Variants in BACH2 observed in about 807,000 individuals in gnomAD.
The protein encoded by BACH2 is transcription regulator protein BACH2.
Under a neutral mutation model 61.8 loss-of-function variants are expected in BACH2, and 5 were observed. The ratio of observed to expected loss-of-function variants is 0.08; its 90% CI spans 0.04 to 0.17. The LOEUF is 0.17. Ranked by LOEUF, BACH2 falls within the 10% of genes least tolerant of loss-of-function variation. The pLI, the probability that BACH2 is intolerant of heterozygous loss-of-function variation, is 1.00. For synonymous variants in BACH2, 446 were observed against 440.1 expected (o/e 1.01, Z -0.17); for missense variants, 824 against 1,091.1 (o/e 0.76, Z 3.45).
chr6:90,097,974 A>G (rs918812386), intron 4 of BACH2, among the ~76,000 whole-genome samples: 1 of 152,238 alleles, frequency 6.6e-6, no homozygotes, highest in African/African-American at 2.4e-5. Context: ...GTGAGACACC[A>G]TGTGAAAAGG....
At chr6:90,079,752 T>C (rs747194841) in intron 5 of BACH2, among the ~76,000 whole-genome samples, 1 of 152,140 alleles carries the variant, frequency 6.6e-6, no homozygotes, top group Non-Finnish European at 1.5e-5. Flanking sequence ...GGGCAATAAA[T>C]GGAAAATCTT....
At chr6:90,243,043 CTAATTT>C (rs1770507306) in intron 3 of BACH2, among the ~76,000 whole-genome samples, 2 of 137,280 alleles carry the variant, frequency 1.5e-5, no homozygotes, top group South Asian at 5.0e-4. Flanking sequence ...CCATGCCCGG[CTAATTT>C]TTTTTTTTTT....
intron 5 of BACH2, among the ~76,000 whole-genome samples, chr6:90,054,043 T>C (rs146565342): frequency 0.014 from 2,175 of 152,048 alleles, 64 homozygotes; most frequent in East Asian, 0.14. Flanking sequence ...GCGTGAGCGA[T>C]GCAGAAGATG....
At position 90,296,618 on chromosome 6, in the gene BACH2, G is replaced by C. The variant is rs1772404497; in HGVS notation, c.-584C>G. 2.0e-5 allele frequency: 3 copies of C among 152,310 alleles called. No homozygotes were observed. The highest frequency in any genetic ancestry group is 1.9e-4 in the East Asian group (1 of 5,160). 9.4% of individuals were successfully genotyped at this position (152,310 alleles called of 1,614,324 possible). On this transcript the variant is annotated 5_prime_UTR_variant, in exon 1 of 9. Coordinates refer to ENST00000257749, the MANE Select transcript of BACH2 (RefSeq NM_021813.4). ...CGGAGGGGACGCGCATCACATGGCA[G>C]CTCGTTCCCAGCCCCCCGAGTGCGC...
Position 90,203,521 on chromosome 6 carries a change from CT to C in BACH2, c.-162+3047del, listed in dbSNP as rs1769030539. 3.3e-5 allele frequency among the ~76,000 whole-genome samples: 5 copies of C among 151,822 alleles called. No individual in the cohort carries two copies. The South Asian group carries it at 1.0e-3, about 31-fold the overall frequency. On this transcript the variant is annotated intron_variant, in intron 4 of 8. Coordinates refer to ENST00000257749, the MANE Select transcript of BACH2 (RefSeq NM_021813.4). Reference sequence around the variant, plus strand: ...ATGAACACTGGAAAGATGGTCAAGTCTGCATGAGGGTTTGGGAGAATGCACA... The same window carrying C: ...ATGAACACTGGAAAGATGGTCAAGTCGCATGAGGGTTTGGGAGAATGCACA...
chr6:89,996,047 G>A (rs1444879598), intron 6 of BACH2, among the ~76,000 whole-genome samples: 3 of 152,196 alleles, frequency 2.0e-5, no homozygotes, highest in Non-Finnish European at 4.4e-5. Context: ...GTTTCTCAAA[G>A]GGGTCAGCGA....
chr6:90,161,869 T>G (rs1303813517), intron 4 of BACH2, among the ~76,000 whole-genome samples: 1 of 152,118 alleles, frequency 6.6e-6, no homozygotes, highest in African/African-American at 2.4e-5. Context: ...CCAACCAGCG[T>G]CTCGATGGTG....
At chr6:89,953,079 G>A (rs878869129) in intron 6 of BACH2, 10 of 152,176 alleles carry the variant, frequency 6.6e-5, no homozygotes, top group East Asian at 5.8e-4. Context: ...AAATTTTAGC[G>A]GGGGGAGTGA....
intron 4 of BACH2, among the ~76,000 whole-genome samples, chr6:90,124,392 A>T (rs186065986): frequency 6.6e-6 from 1 of 152,354 alleles, no homozygotes; most frequent in Non-Finnish European, 1.5e-5. Context: ...GTTTATTCAC[A>T]CAGAGATGTC....
intron 3 of BACH2, among the ~76,000 whole-genome samples, chr6:90,245,142 T>A (rs1472477207): frequency 6.6e-6 from 1 of 151,640 alleles, no homozygotes; most frequent in African/African-American, 2.4e-5. Flanking sequence ...GAGGTTACAG[T>A]CAGCTGAGAT....
At chr6:90,109,183 A>G (rs1783057624) in intron 4 of BACH2, among the ~76,000 whole-genome samples, 1 of 152,024 alleles carries the variant, frequency 6.6e-6, no homozygotes, top group Admixed American at 6.6e-5. Context: ...TTGTCACTCC[A>G]GAGAAACTGC....
chr6:90,011,919 C>CAA (rs1162835089), intron 5 of BACH2, among the ~76,000 whole-genome samples: 1 of 120,998 alleles, frequency 8.3e-6, no homozygotes, highest in Non-Finnish European at 1.8e-5. Context: ...GACTCTGTCT[C>CAA]AAAAAAAAAA....
chr6:90,296,177 C>T, intron 1 of BACH2, among the ~76,000 whole-genome samples: 1 of 152,118 alleles, frequency 6.6e-6, no homozygotes, highest in Non-Finnish European at 1.5e-5. Flanking sequence ...TCTGCTGTTC[C>T]AAAACACCCT....
intron 4 of BACH2, among the ~76,000 whole-genome samples, chr6:90,182,994 T>C (rs1768220702): frequency 6.6e-6 from 1 of 152,204 alleles, no homozygotes; most frequent in Admixed American, 6.5e-5. Context: ...ACTGCACTAA[T>C]ATTTTGAGAA....
intron 1 of BACH2, among the ~76,000 whole-genome samples, chr6:90,295,765 G>A (rs148376224): frequency 7.2e-5 from 11 of 152,134 alleles, no homozygotes; most frequent in Middle Eastern, 6.8e-3. Flanking sequence ...TTAGGTCTTA[G>A]CTACGCGGGA....
intron 4 of BACH2, among the ~76,000 whole-genome samples, chr6:90,175,427 CAACAAATG>C (rs1256556128): frequency 6.6e-6 from 1 of 151,916 alleles, no homozygotes; most frequent in Non-Finnish European, 1.5e-5. Context: ...AGAAGAAAAA[CAACAAATG>C]AACAATTAAC....
chr6:90,062,905 C>G, intron 5 of BACH2: 3 of 985,294 alleles, frequency 3.0e-6, no homozygotes, highest in Non-Finnish European at 3.6e-6. Flanking sequence ...AAGACTTGAA[C>G]ACATTCCAGT....
chr6:90,079,074 G>A (rs1215043551), intron 5 of BACH2, among the ~76,000 whole-genome samples: 2 of 152,298 alleles, frequency 1.3e-5, no homozygotes, highest in Non-Finnish European at 1.5e-5. Flanking sequence ...ATGGGATTGC[G>A]AAGGCACAAA....
At chr6:90,274,604 G>T (rs1381028837) in intron 1 of BACH2, among the ~76,000 whole-genome samples, 1 of 152,154 alleles carries the variant, frequency 6.6e-6, no homozygotes, top group Non-Finnish European at 1.5e-5. Context: ...CAGCCTCAGA[G>T]GAAGCAGACA....
Sources: allele counts gnomAD v4.1 joint callset (sites outside exome capture counted in the v4.1 genomes callset), GRCh38; gene constraint gnomAD v4.1.1; transcripts MANE v1.5; gene names NCBI Gene and HGNC (gene_info 2026-07-23, HGNC 2026-07-21).